GPBP1: variants seen among roughly 807,000 people sequenced by gnomAD.
The protein encoded by GPBP1 is vasculin.
GPBP1 carries 13 observed loss-of-function variants against 56.5 expected under a neutral mutation model. The observed-to-expected ratio is 0.23, with a 90% CI of 0.15 to 0.37. The LOEUF (loss-of-function observed/expected upper bound fraction) is 0.37, where lower values mean the gene tolerates loss of function less well. GPBP1 is among the 10% of genes least tolerant of loss of function. The pLI is 1.00. For synonymous variants in GPBP1, 204 were observed against 188.9 expected, an observed-to-expected ratio of 1.08 and a Z score of -0.66; for missense variants, 477 against 572.3, an observed-to-expected ratio of 0.83 and a Z score of 1.70.
At chr5:57,230,798 G>A (rs1440982765) in intron 3 of GPBP1, 48 bp from the exon 4 acceptor site, 5 of 1,513,844 alleles carry the variant, frequency 3.3e-6, no homozygotes, top group Admixed American at 2.0e-5. Context: ...AGTTTTTAAA[G>A]TTATATTTAG....
At chr5:57,232,227 A>G (rs182767954) in intron 5 of GPBP1, among the ~76,000 whole-genome samples, 53 of 152,248 alleles carry the variant, frequency 3.5e-4, no homozygotes, top group East Asian at 2.5e-3. Context: ...GCCTCAAGCA[A>G]TCCTCCGACC....
chr5:57,256,224 TA>T (rs1263646404), intron 10 of GPBP1, among the ~76,000 whole-genome samples: 21 of 152,098 alleles, frequency 1.4e-4, no homozygotes, highest in African/African-American at 4.8e-4. Flanking sequence ...CACTGAACTC[TA>T]GCCTGGACGG....
chr5:57,178,852 C>G (rs1579964432), intron 2 of GPBP1, among the ~76,000 whole-genome samples: 1 of 152,246 alleles, frequency 6.6e-6, no homozygotes, highest in East Asian at 1.9e-4. Context: ...CTTTTCTACT[C>G]TTTATATTTT....
At chr5:57,205,091 C>T (rs554114261) in intron 2 of GPBP1, among the ~76,000 whole-genome samples, 1 of 152,288 alleles carries the variant, frequency 6.6e-6, no homozygotes, top group Admixed American at 6.5e-5. Flanking sequence ...AAAACTGTCT[C>T]TAAGCAGTCA....
rs76249109 is a variant in GPBP1, at chr5:57,231,300, A to G, written c.390A>G (p.Lys130=). The G allele has an allele frequency of 1.6e-4, 252 of 1,613,510 alleles. No homozygotes were observed. In the African/African-American group the frequency reaches 3.1e-3, roughly 20 times the overall value. Residue 130 remains lysine (K), a synonymous_variant, in exon 5 of 12, where the codon AAA becomes AAG. Coordinates refer to ENST00000506184, the MANE Select transcript of GPBP1 (RefSeq NM_022913.4). The part of the protein sequence containing the change: ...TGRKEDKRER[K]QFEAEDFPSL... Reference sequence around the variant, plus strand: ...GGAAAGAAGACAAGAGAGAACGCAAACAGTTTGAAGCTGAGGATTTTGTAA... The same window carrying G: ...GGAAAGAAGACAAGAGAGAACGCAAGCAGTTTGAAGCTGAGGATTTTGTAA...
At chr5:57,237,117 A>G (rs1756692367) in intron 6 of GPBP1, 4 of 1,546,752 alleles carry the variant, frequency 2.6e-6, no homozygotes, top group African/African-American at 1.4e-5. Flanking sequence ...CCCCAGGCCT[A>G]CACGCCCAGA....
At chr5:57,187,028 GTGTGTGTGTGTATGTATGTT>G in intron 2 of GPBP1, among the ~76,000 whole-genome samples, 1 of 148,044 alleles carries the variant, frequency 6.8e-6, no homozygotes, top group East Asian at 1.9e-4. Flanking sequence ...GTGTGTGTGT[GTGTGTGTGTGTATGTATGTT>G]TGTATGTATT....
rs192161129 is a variant in GPBP1, at chr5:57,181,490, G to A, written c.-58+5090G>A. Among the ~76,000 whole-genome samples, 14 of 152,062 alleles carry A rather than the reference G, an allele frequency of 9.2e-5. No homozygotes were observed. The East Asian group carries it at 2.5e-3, about 27-fold the overall frequency. The stretch of plus-strand genomic sequence containing the variant: ...AAATACTATTTAAAAAAGGGGTGAG[G>A]GGGCAGGGCATGGTGGCTTATGCCT... On this transcript the variant is annotated intron_variant, in intron 2 of 11. Coordinates refer to ENST00000506184, the MANE Select transcript of GPBP1 (RefSeq NM_022913.4).
intron 4 of GPBP1, 57 bp downstream of exon 4, chr5:57,231,026 A>C: frequency 6.3e-7 from 1 of 1,578,964 alleles, no homozygotes; most frequent in Non-Finnish European, 8.6e-7. Context: ...TTTTTAAAGA[A>C]TGTTTTGATG....
At chr5:57,216,710 C>G (rs757761348) in intron 3 of GPBP1, among the ~76,000 whole-genome samples, 1 of 151,980 alleles carries the variant, frequency 6.6e-6, no homozygotes, top group Admixed American at 6.6e-5. Flanking sequence ...ACAAAAAACA[C>G]TAAAAGTCTG....
At chr5:57,234,306 T>C (rs1321897762) in intron 5 of GPBP1, among the ~76,000 whole-genome samples, 4 of 152,366 alleles carry the variant, frequency 2.6e-5, no homozygotes, top group Non-Finnish European at 5.9e-5. Flanking sequence ...TAAACGCATC[T>C]ACCAAGATTA....
At chr5:57,259,197 G>T (rs1741787169) in intron 10 of GPBP1, among the ~76,000 whole-genome samples, 1 of 152,216 alleles carries the variant, frequency 6.6e-6, no homozygotes, top group African/African-American at 2.4e-5. Flanking sequence ...ACTAATTTGG[G>T]AGACAGAAAA....
chr5:57,229,088 G>A (rs1299412523), intron 3 of GPBP1, among the ~76,000 whole-genome samples: 2 of 151,616 alleles, frequency 1.3e-5, no homozygotes, highest in South Asian at 2.1e-4. Flanking sequence ...AAAATTAACC[G>A]GTTGTGGTGG....
In GPBP1 at chr5:57,196,884, C is replaced by G. The variant is rs113209469; in HGVS notation, c.-57-17190C>G. ...GTAACCTCTGCCTCCTGGGTTCATG[C>G]GATTCTCCCGCCTCAGCTTTCCAAG... On this transcript the variant is annotated intron_variant, in intron 2 of 11. Transcript: ENST00000506184. 2.3e-3 allele frequency among the ~76,000 whole-genome samples: 354 copies of G among 152,168 alleles called. 2 individuals are homozygous for G. The highest frequency in any genetic ancestry group is 7.0e-3 in the African/African-American group (291 of 41,520).
chr5:57,250,910 G>A (rs200411691), intron 9 of GPBP1, 44 bp from the exon 10 acceptor site: 1 of 1,287,060 alleles, frequency 7.8e-7, no homozygotes, highest in Admixed American at 2.3e-5. Flanking sequence ...ACTGTATTCT[G>A]TAGAACTCAT....
chr5:57,190,184 G>A (rs1456843585), intron 2 of GPBP1, among the ~76,000 whole-genome samples: 1 of 148,994 alleles, frequency 6.7e-6, no homozygotes, highest in African/African-American at 2.4e-5. Flanking sequence ...GGGGGGATTG[G>A]GTGTATATGG....
chr5:57,215,934 T>A (rs1755681040), intron 3 of GPBP1, among the ~76,000 whole-genome samples: 2 of 151,890 alleles, frequency 1.3e-5, no homozygotes, highest in Admixed American at 6.6e-5. Flanking sequence ...GCTGTTAGTG[T>A]TTGAATAAAG....
chr5:57,244,727 A>ATTT lies in GPBP1; in HGVS notation c.479-1551_479-1549dup, dbSNP rs532660984. ...TATTATTTACTATTCTTTGTTTGAGATTTTTTTTTTTTTTTTTTTTTTTTG... is the reference window on the plus strand; with the variant it reads ...TATTATTTACTATTCTTTGTTTGAGATTTTTTTTTTTTTTTTTTTTTTTTTTTG... On this transcript the variant is annotated intron_variant, in intron 6 of 11. Coordinates refer to ENST00000506184, the MANE Select transcript of GPBP1 (RefSeq NM_022913.4). Among the ~76,000 whole-genome samples the ATTT allele has an allele frequency of 9.6e-3, 897 of 93,150 alleles. 6 individuals are homozygous for ATTT. The highest frequency in any genetic ancestry group is 0.02 in the East Asian group (58 of 2,932). The allele number at this position is 93,150 out of a possible 152,430, so 61.1% of individuals were successfully genotyped here.
intron 10 of GPBP1, among the ~76,000 whole-genome samples, chr5:57,260,273 TCTG>T (rs1741835639): frequency 1.3e-5 from 2 of 152,210 alleles, no homozygotes; most frequent in South Asian, 2.1e-4. Flanking sequence ...ATGGGGATGA[TCTG>T]CTGCTGCTTC....
Sources: gnomAD v4.1 joint callset for allele counts (sites outside exome capture counted in the v4.1 genomes callset) on GRCh38, gnomAD v4.1.1 for gene constraint, MANE v1.5 for transcripts, NCBI Gene and HGNC (gene_info 2026-07-23, HGNC 2026-07-21) for gene names.